The following CHSY1 variants were observed in gnomAD, a reference collection of about 807,000 sequenced individuals.
CHSY1 encodes N-acetylgalactosaminyl-proteoglycan 3-beta-glucuronosyltransferase 1.
CHSY1 carries 13 observed loss-of-function variants against 59.8 expected under a neutral mutation model. That is an observed-to-expected ratio of 0.22 (90% CI 0.14 to 0.35). CHSY1 has a LOEUF of 0.35. Among genes scored for constraint, CHSY1 ranks in the 10% least tolerant of loss-of-function variants. The pLI is 1.00. For missense variants in CHSY1, 947 were observed against 1,030.6 expected (o/e 0.92, Z 1.11); for synonymous variants, 459 against 401.2 (o/e 1.14, Z -1.72).
At chr15:101,213,855 A>T (rs2038705584) in intron 2 of CHSY1, among the ~76,000 whole-genome samples, 1 of 152,226 alleles carries the variant, frequency 6.6e-6, no homozygotes, top group Non-Finnish European at 1.5e-5. Context: ...TCGGTGTTTA[A>T]GTCTTACTCA....
At chr15:101,203,092 C>A (rs1349780167) in intron 2 of CHSY1, among the ~76,000 whole-genome samples, 1 of 152,136 alleles carries the variant, frequency 6.6e-6, no homozygotes, top group Non-Finnish European at 1.5e-5. Flanking sequence ...AGAAAACAAC[C>A]ACAAATCAAT....
At chr15:101,211,034 T>C (rs1235436690) in intron 2 of CHSY1, among the ~76,000 whole-genome samples, 3 of 152,218 alleles carry the variant, frequency 2.0e-5, no homozygotes, top group African/African-American at 7.2e-5. Context: ...TAAAATGCAA[T>C]AGGTTTAGGC....
chr15:101,221,247 A>G (rs1334585822), intron 2 of CHSY1, among the ~76,000 whole-genome samples: 1 of 152,122 alleles, frequency 6.6e-6, no homozygotes, highest in Non-Finnish European at 1.5e-5. Flanking sequence ...TAATCCCAGC[A>G]CTCTGGAAGG....
At chr15:101,208,848 T>C (rs945313056) in intron 2 of CHSY1, among the ~76,000 whole-genome samples, 1 of 151,832 alleles carries the variant, frequency 6.6e-6, no homozygotes, top group Non-Finnish European at 1.5e-5. Context: ...AATACAAGAG[T>C]GTATACTCAT....
chr15:101,183,855 A>G (rs1394364979), intron 2 of CHSY1, among the ~76,000 whole-genome samples: 5 of 152,248 alleles, frequency 3.3e-5, no homozygotes, highest in Non-Finnish European at 7.3e-5. Flanking sequence ...ATACAGAAGG[A>G]AACAGCTGAT....
intron 2 of CHSY1, among the ~76,000 whole-genome samples, chr15:101,232,699 A>G (rs551814024): frequency 6.6e-6 from 1 of 152,386 alleles, no homozygotes; most frequent in East Asian, 1.9e-4. Flanking sequence ...GTTAAGTCAC[A>G]GTCTGAGAAA....
In CHSY1 at chr15:101,251,557, C is replaced by T; in HGVS notation, c.-101G>A. 2 of 169,634 alleles carry T rather than the reference C, an allele frequency of 1.2e-5. No individual in the cohort carries two copies. The highest frequency in any genetic ancestry group is 1.9e-4 in the South Asian group (1 of 5,328). 10.5% of individuals were successfully genotyped at this position (169,634 alleles called of 1,614,324 possible). On this transcript the variant is annotated 5_prime_UTR_variant, in exon 1 of 3. Transcript: ENST00000254190. ...GCCAGCCCGCCCTAGCGCCGCGAGG[C>T]CCGGCCCGGGCAGCGCCGCCGCCGC...
At chr15:101,205,741 G>A (rs2038617878) in intron 2 of CHSY1, among the ~76,000 whole-genome samples, 1 of 151,936 alleles carries the variant, frequency 6.6e-6, no homozygotes, top group Non-Finnish European at 1.5e-5. Flanking sequence ...CACGAGATCA[G>A]GAGATCGAGA....
At chr15:101,179,680 G>C (rs1324290253) in intron 2 of CHSY1, among the ~76,000 whole-genome samples, 1 of 152,230 alleles carries the variant, frequency 6.6e-6, no homozygotes, top group African/African-American at 2.4e-5. Context: ...GCTCAGCACG[G>C]GGTCTCCGGC....
At chr15:101,241,570 CTG>C (rs144090002) in intron 1 of CHSY1, among the ~76,000 whole-genome samples, 1,552 of 152,202 alleles carry the variant, frequency 0.01, 15 homozygotes, top group Non-Finnish European at 0.018. Flanking sequence ...ACAAGAAAAA[CTG>C]AAAGAAAAAT....
intron 2 of CHSY1, among the ~76,000 whole-genome samples, chr15:101,195,017 T>C (rs2038489732): frequency 6.6e-6 from 1 of 152,182 alleles, no homozygotes; most frequent in Non-Finnish European, 1.5e-5. Flanking sequence ...ACAAACCGCA[T>C]TTCATAAGCT....
chr15:101,178,067 T>C lies in CHSY1; in HGVS notation c.1730A>G (p.Asn577Ser). The change falls in exon 3 of 3, where the codon AAC becomes AGC. Residue 577 changes from asparagine to serine, a missense_variant. This residue lies in a region of CHSY1 where 602 missense variants were observed against 676.9 expected (regional missense o/e 0.89). Coordinates refer to ENST00000254190, the MANE Select transcript of CHSY1 (RefSeq NM_014918.5). ...LVVLLFNSDS[N>S]PDKAKQVELM... Reference sequence around the variant, plus strand: ...TTCAACTTGTTTGGCCTTGTCAGGGTTGGAGTCAGAATTGAAAAGCAGAAC... The same window carrying C: ...TTCAACTTGTTTGGCCTTGTCAGGGCTGGAGTCAGAATTGAAAAGCAGAAC... The C allele has an allele frequency of 1.2e-6, 2 of 1,614,092 alleles. No homozygotes were observed. Among genetic ancestry groups the C allele is most frequent in the Non-Finnish European group, 1.7e-6 (2 of 1,180,014 alleles).
At chr15:101,221,882 C>CT (rs754726148) in intron 2 of CHSY1, among the ~76,000 whole-genome samples, 35 of 129,042 alleles carry the variant, frequency 2.7e-4, no homozygotes, top group Admixed American at 6.5e-4. Flanking sequence ...TAGCTTTGTA[C>CT]TTTTTTTTTT....
In CHSY1 at chr15:101,248,948, G is replaced by A. The variant is rs1199229953; in HGVS notation, c.320+2189C>T. Among the ~76,000 whole-genome samples the A allele has an allele frequency of 2.7e-5, 4 of 145,544 alleles. No homozygotes were observed. The South Asian group carries it at 6.5e-4, about 24-fold the overall frequency. On this transcript the variant is annotated intron_variant, in intron 1 of 2. Coordinates refer to ENST00000254190, the MANE Select transcript of CHSY1 (RefSeq NM_014918.5). ...ACTACAGGCACCTGCCACCAAGCCT[G>A]GCTAATTTTTTTTTTTTTTTTTTTT...
At chr15:101,237,406 C>A (rs2038956589) in intron 1 of CHSY1, among the ~76,000 whole-genome samples, 1 of 152,052 alleles carries the variant, frequency 6.6e-6, no homozygotes, top group Non-Finnish European at 1.5e-5. Flanking sequence ...CCGAAGGAAG[C>A]CAGAGTGGAC....
intron 1 of CHSY1, among the ~76,000 whole-genome samples, chr15:101,241,971 A>T (rs567280667): frequency 6.6e-6 from 1 of 152,352 alleles, no homozygotes; most frequent in East Asian, 1.9e-4. Flanking sequence ...TAGATTACTC[A>T]TAATACCTAA....
chr15:101,225,821 T>C (rs918190239), intron 2 of CHSY1, among the ~76,000 whole-genome samples: 1 of 152,230 alleles, frequency 6.6e-6, no homozygotes, highest in Middle Eastern at 3.2e-3. Context: ...AGTTCTATTA[T>C]GGGAATTGAG....
At chr15:101,188,837 T>C (rs1355773389) in intron 2 of CHSY1, among the ~76,000 whole-genome samples, 1 of 152,228 alleles carries the variant, frequency 6.6e-6, no homozygotes, top group East Asian at 1.9e-4. Flanking sequence ...GCAGAGACTG[T>C]GGTAGGAGAC....
rs937156623 is a variant in CHSY1 at position 101,235,474 on chromosome 15, A to T, written c.424T>A (p.Ser142Thr). ...AAGGACTTCTTCTGGGGCGGGTAGG[A>T]GTCGTCCACACCCCGTAGTGGCACT... is the stretch of plus-strand genomic sequence containing the variant. ...PVVPLRGVDD[S>T]YPPQKKSFMM... Residue 142 changes from serine to threonine, a missense_variant, in exon 2 of 3, where the codon TCC becomes ACC. Physicochemically the swap from Ser to Thr is moderately conservative, Grantham distance 58. Coordinates refer to ENST00000254190, the MANE Select transcript of CHSY1 (RefSeq NM_014918.5). The T allele has an allele frequency of 6.2e-7, 1 of 1,614,198 alleles. No individual in the cohort carries two copies. The highest frequency in any genetic ancestry group is 1.7e-5 in the Admixed American group (1 of 60,024).
Sources: gnomAD v4.1 joint callset for allele counts (sites outside exome capture counted in the v4.1 genomes callset) on GRCh38, gnomAD v4.1.1 for gene constraint, gnomAD v4.1.1 regional missense constraint, MANE v1.5 for transcripts, NCBI Gene and HGNC (gene_info 2026-07-23, HGNC 2026-07-21) for gene names.